EDNRB: variants seen among roughly 807,000 people sequenced by gnomAD.
The protein encoded by EDNRB is endothelin receptor type B.
A neutral mutation model predicts 46.4 loss-of-function variants in EDNRB; 18 were observed. That is an observed-to-expected ratio of 0.39 (90% confidence interval 0.27 to 0.57). The LOEUF is 0.57. EDNRB is among the 20% of genes least tolerant of loss of function. The pLI is 0.61. For missense variants in EDNRB, 434 were observed against 537.5 expected (o/e 0.81, Z 1.90); for synonymous variants, 213 against 204.9 (o/e 1.04, Z -0.34).
chr13:77,970,169 C>A lies in EDNRB; in HGVS notation c.-52+5178G>T, dbSNP rs556120116. Among the ~76,000 whole-genome samples, 37 of 152,250 alleles carry A rather than the reference C, an allele frequency of 2.4e-4. No homozygotes were observed. The South Asian group carries it at 7.5e-3, about 31-fold the overall frequency. ...AATACTGAACAAAATTGTATTTATA[C>A]CCATACTTATTCAGCTTGGGTATTT... On this transcript the variant is annotated intron_variant, in intron 1 of 7. Transcript: ENST00000646948.
At chr13:77,959,360 A>G (rs1253043532) in intron 1 of EDNRB, among the ~76,000 whole-genome samples, 1 of 152,242 alleles carries the variant, frequency 6.6e-6, no homozygotes, top group Non-Finnish European at 1.5e-5. Context: ...AGGAACGATC[A>G]GGCAGCAACA....
chr13:77,940,643 T>C (rs1345837708), intron 1 of EDNRB, among the ~76,000 whole-genome samples: 1 of 152,040 alleles, frequency 6.6e-6, no homozygotes, highest in Non-Finnish European at 1.5e-5. Flanking sequence ...CACTGCGTGT[T>C]ATGAACAGAT....
rs771549175 is a variant in EDNRB, at chr13:77,901,201, T to G, written c.808A>C (p.Lys270Gln). ...AATAGCCACCAATCTTTTGCTGTCTTGTAAAACTATAGGGATGAGAGAATT... is the reference window on the plus strand; with the variant it reads ...AATAGCCACCAATCTTTTGCTGTCTGGTAAAACTATAGGGATGAGAGAATT... ...VQKTAFMQFYKTAKDWWLFSF... is the reference protein window; with the variant it reads ...VQKTAFMQFYQTAKDWWLFSF... Residue 270 changes from lysine (K) to glutamine (Q), a missense_variant, in exon 4 of 7, where the codon AAG becomes CAG. Physicochemically the swap from Lys to Gln is moderately conservative, Grantham distance 53. Coordinates refer to ENST00000646607, the MANE Select transcript of EDNRB (RefSeq NM_001122659.3). 4 of 1,610,616 alleles carry G rather than the reference T, an allele frequency of 2.5e-6. No homozygotes were observed. Among genetic ancestry groups the G allele is most frequent in the Non-Finnish European group, 3.4e-6 (4 of 1,177,944 alleles).
At chr13:77,906,584 T>C (rs1031009172) in intron 1 of EDNRB, among the ~76,000 whole-genome samples, 3 of 152,020 alleles carry the variant, frequency 2.0e-5, no homozygotes, top group African/African-American at 7.2e-5. Flanking sequence ...CTCAAGCACC[T>C]CTGTGGAGAA....
At chr13:77,910,291 T>G (rs1282802233) in intron 1 of EDNRB, among the ~76,000 whole-genome samples, 1 of 152,002 alleles carries the variant, frequency 6.6e-6, no homozygotes, top group Admixed American at 6.6e-5. Context: ...ATTATATAAA[T>G]GTTTTCACAG....
intron 1 of EDNRB, among the ~76,000 whole-genome samples, chr13:77,904,607 TTA>T (rs543330833): frequency 5.3e-5 from 8 of 151,594 alleles, no homozygotes; most frequent in Admixed American, 1.3e-4. Flanking sequence ...ACATAGTATG[TTA>T]TATATATATA....
chr13:77,954,666 A>T lies in EDNRB; in HGVS notation c.-52+20681T>A, dbSNP rs537644485. Among the ~76,000 whole-genome samples, 10 of 151,908 alleles carry T rather than the reference A, an allele frequency of 6.6e-5. No individual in the cohort carries two copies. In the South Asian group the frequency reaches 1.0e-3, roughly 16 times the overall value. ...GGACTACATGCATGTGCCACGACAC[A>T]TGGCTAATTTTTGTATTTTTAGTAG... On this transcript the variant is annotated intron_variant, in intron 1 of 7. Coordinates refer to the EDNRB transcript ENST00000646948.
chr13:77,903,698 G>T, intron 1 of EDNRB, 91 bp from the exon 2 acceptor site: 1 of 1,088,260 alleles, frequency 9.2e-7, no homozygotes, highest in Non-Finnish European at 1.4e-6. Context: ...AACATGCAGA[G>T]TAGGATAAAC....
intron 1 of EDNRB, among the ~76,000 whole-genome samples, chr13:77,942,814 C>T (rs926907077): frequency 2.6e-5 from 4 of 151,948 alleles, no homozygotes; most frequent in Non-Finnish European, 4.4e-5. Flanking sequence ...GAACATTGTT[C>T]TTAAGCGATT....
chr13:77,917,743 T>C (rs893741252), intron 1 of EDNRB, among the ~76,000 whole-genome samples: 2 of 152,190 alleles, frequency 1.3e-5, no homozygotes, highest in Non-Finnish European at 2.9e-5. Flanking sequence ...ATTACTGTGC[T>C]CCACTCCAGA....
chr13:77,931,002 T>A (rs948572425), intron 1 of EDNRB, among the ~76,000 whole-genome samples: 1 of 152,200 alleles, frequency 6.6e-6, no homozygotes, highest in African/African-American at 2.4e-5. Context: ...AAATAATGAT[T>A]TTTGCAAGCC....
chr13:77,949,784 C>G (rs1038129733), intron 1 of EDNRB, among the ~76,000 whole-genome samples: 2 of 152,166 alleles, frequency 1.3e-5, no homozygotes, highest in Non-Finnish European at 2.9e-5. Context: ...AGTAATCCCA[C>G]AAAGCACAGG....
At chr13:77,962,532 A>T (rs371785464) in intron 1 of EDNRB, among the ~76,000 whole-genome samples, 1 of 152,164 alleles carries the variant, frequency 6.6e-6, no homozygotes, top group Non-Finnish European at 1.5e-5. Flanking sequence ...CATGATTATC[A>T]CAATAGATGC....
chr13:77,904,596 C>T (rs1050781121), intron 1 of EDNRB, among the ~76,000 whole-genome samples: 3 of 151,722 alleles, frequency 2.0e-5, no homozygotes, highest in African/African-American at 7.2e-5. Context: ...TTTATACACA[C>T]ACATAGTATG....
At chr13:77,907,373 G>T (rs1879332076) in intron 1 of EDNRB, among the ~76,000 whole-genome samples, 1 of 151,866 alleles carries the variant, frequency 6.6e-6, no homozygotes, top group Non-Finnish European at 1.5e-5. Context: ...CCTCAGACTG[G>T]TTTCTCAGGC....
At chr13:77,929,997 G>A (rs768707934) in intron 1 of EDNRB, among the ~76,000 whole-genome samples, 4 of 152,152 alleles carry the variant, frequency 2.6e-5, no homozygotes, top group Non-Finnish European at 5.9e-5. Context: ...ATCAGACCTC[G>A]TGATAAACTT....
rs1399198786 is a variant in EDNRB, at chr13:77,918,125, T to A, written c.449A>T (p.His150Leu). ...ATTGATAGGGATGTCAATGACGATG[T>A]GCAGCAGGTCTCCCAGAGCCAAGCT... ...IASLALGDLL[H>L]IVIDIPINVY... Residue 150 changes from histidine to leucine, a missense_variant, in exon 1 of 7, where the codon CAC becomes CTC. His to Leu is a moderately conservative substitution (Grantham distance 99). Transcript: ENST00000646607. This position sits in a 1 kb window ranked among gnomAD's most constrained non-coding sequence, Gnocchi z 4.5. The A allele has an allele frequency of 6.2e-7, 1 of 1,614,202 alleles. No individual in the cohort carries two copies. The highest frequency in any genetic ancestry group is 2.2e-5 in the East Asian group (1 of 44,872).
At chr13:77,910,152 C>G (rs982410748) in intron 1 of EDNRB, among the ~76,000 whole-genome samples, 1 of 151,896 alleles carries the variant, frequency 6.6e-6, no homozygotes, top group African/African-American at 2.4e-5. Flanking sequence ...AACATAGGAG[C>G]ATTGTAAGAG....
chr13:77,964,801 A>G (rs35604831), intron 1 of EDNRB, among the ~76,000 whole-genome samples: 3 of 151,818 alleles, frequency 2.0e-5, no homozygotes, highest in African/African-American at 4.8e-5. Flanking sequence ...AAAGTAGAAA[A>G]CTATATAAAA....
Sources: gnomAD v4.1 joint callset for allele counts (sites outside exome capture counted in the v4.1 genomes callset) on GRCh38, gnomAD v4.1.1 for gene constraint, Gnocchi (gnomAD v3.1) non-coding constraint, MANE v1.5 for transcripts, NCBI Gene and HGNC (gene_info 2026-07-23, HGNC 2026-07-21) for gene names.